The following RBFOX1 variants were observed in gnomAD, a reference collection of about 807,000 sequenced individuals.
The protein encoded by RBFOX1 is RNA binding fox-1 homolog 1, also known as RNA binding protein fox-1 homolog 1.
RBFOX1 carries 8 observed loss-of-function variants against 57.7 expected under a neutral mutation model. The observed-to-expected ratio is 0.14, with a 90% CI of 0.08 to 0.25. The LOEUF (loss-of-function observed/expected upper bound fraction) is 0.25, where lower values mean the gene tolerates loss of function less well. Among genes scored for constraint, RBFOX1 ranks in the 10% least tolerant of loss-of-function variants. The probability of loss-of-function intolerance (pLI) is 1.00; values close to 1 mark genes in which losing one functional copy is unlikely to be tolerated. For synonymous variants in RBFOX1, 326 were observed against 222.4 expected (o/e 1.47, Z -4.15); for missense variants, 611 against 548.5 (o/e 1.11, Z -1.14).
intron 4 of RBFOX1, among the ~76,000 whole-genome samples, chr16:7,402,693 C>A (rs2098265320): frequency 6.6e-6 from 1 of 152,158 alleles, no homozygotes. Context: ...AATTGGACAG[C>A]CACTGGCACC....
intron 2 of RBFOX1, among the ~76,000 whole-genome samples, chr16:5,543,664 A>G (rs1399376470): frequency 6.6e-6 from 1 of 152,198 alleles, no homozygotes; most frequent in Non-Finnish European, 1.5e-5. Context: ...CATGAAAATC[A>G]CAAACCCAGA....
intron 4 of RBFOX1, among the ~76,000 whole-genome samples, chr16:7,111,782 T>C (rs1392596158): frequency 6.6e-6 from 1 of 152,026 alleles, no homozygotes; most frequent in Admixed American, 6.6e-5. Flanking sequence ...TTCAAGGTTC[T>C]GGCCAATCTA....
At chr16:6,796,003 A>C (rs1603625262) in intron 3 of RBFOX1, among the ~76,000 whole-genome samples, 4 of 152,206 alleles carry the variant, frequency 2.6e-5, no homozygotes, top group Non-Finnish European at 5.9e-5. Context: ...TATCATGGTT[A>C]CTGTATTAGT....
At chr16:6,752,797 C>G (rs1392897867) in intron 3 of RBFOX1, among the ~76,000 whole-genome samples, 1 of 141,090 alleles carries the variant, frequency 7.1e-6, no homozygotes, top group Non-Finnish European at 1.5e-5. Flanking sequence ...ATGAAATTGT[C>G]AAACTTTATT....
At position 7,568,671 on chromosome 16, in the gene RBFOX1, G is replaced by A. The variant is rs1449919869; in HGVS notation, c.271-11106G>A. ...GAGGCCGAGGCAGGTGGATCATGAG[G>A]TCAGGAGATCGAGACCATCCTGGCT... On this transcript the variant is annotated intron_variant, in intron 5 of 15. Transcript: ENST00000550418. 3.9e-5 allele frequency among the ~76,000 whole-genome samples: 6 copies of A among 151,914 alleles called. No individual in the cohort carries two copies. The East Asian group carries it at 9.7e-4, about 25-fold the overall frequency.
intron 4 of RBFOX1, among the ~76,000 whole-genome samples, chr16:5,965,502 G>GGCAGAACTAAACA (rs1472521426): frequency 1.3e-5 from 2 of 152,056 alleles, no homozygotes; most frequent in Non-Finnish European, 2.9e-5. Flanking sequence ...CTTCAACTCA[G>GGCAGAACTAAACA]GCAGAACTAA....
intron 2 of RBFOX1, among the ~76,000 whole-genome samples, chr16:6,400,415 C>T (rs2093021526): frequency 6.6e-6 from 1 of 152,086 alleles, no homozygotes; most frequent in Non-Finnish European, 1.5e-5. Context: ...GATGATATCT[C>T]AAGGCTTATG....
At chr16:5,328,717 T>G (rs1414457564) in intron 1 of RBFOX1, among the ~76,000 whole-genome samples, 1 of 152,220 alleles carries the variant, frequency 6.6e-6, no homozygotes, top group East Asian at 1.9e-4. Flanking sequence ...GTGGACCATT[T>G]AAGCCCACCC....
At chr16:6,725,146 G>A (rs1364097046) in intron 3 of RBFOX1, among the ~76,000 whole-genome samples, 1 of 147,972 alleles carries the variant, frequency 6.8e-6, no homozygotes, top group South Asian at 2.2e-4. Flanking sequence ...TGCGTCCCGG[G>A]TTCACGCCAT....
chr16:7,483,164 C>T (rs1423311889), intron 4 of RBFOX1, among the ~76,000 whole-genome samples: 1 of 152,278 alleles, frequency 6.6e-6, no homozygotes, highest in African/African-American at 2.4e-5. Context: ...GATCGCAGAG[C>T]AGTGCAGAAT....
chr16:6,939,587 C>G (rs1442142258), intron 3 of RBFOX1, among the ~76,000 whole-genome samples: 4 of 151,184 alleles, frequency 2.6e-5, no homozygotes, highest in African/African-American at 7.3e-5. Context: ...TTTCAGCTCA[C>G]TGCAACCTCT....
intron 3 of RBFOX1, among the ~76,000 whole-genome samples, chr16:6,854,434 T>C (rs2057415084): frequency 1.3e-5 from 2 of 151,934 alleles, no homozygotes; most frequent in South Asian, 2.1e-4. Flanking sequence ...GGAAGCTAAA[T>C]TGATGGAAAT....
At chr16:7,164,473 G>C (rs1328226352) in intron 4 of RBFOX1, among the ~76,000 whole-genome samples, 1 of 152,158 alleles carries the variant, frequency 6.6e-6, no homozygotes, top group East Asian at 1.9e-4. Context: ...TCCTCTGGGT[G>C]AATAGCCAGT....
At chr16:6,783,690 A>G (rs13329967) in intron 3 of RBFOX1, among the ~76,000 whole-genome samples, 5,686 of 152,128 alleles carry the variant, frequency 0.037, 359 homozygotes, top group African/African-American at 0.13. Flanking sequence ...TACAATTATA[A>G]TATTAGAATA....
chr16:5,812,095 C>A (rs1322415088), intron 3 of RBFOX1, among the ~76,000 whole-genome samples: 3 of 152,184 alleles, frequency 2.0e-5, no homozygotes, highest in Non-Finnish European at 4.4e-5. Context: ...TTCAGGTTCA[C>A]CCACACTGTC....
At chr16:6,450,826 T>C (rs373754554) in intron 2 of RBFOX1, among the ~76,000 whole-genome samples, 5,903 of 32,854 alleles carry the variant, frequency 0.18, 1,257 homozygotes, top group African/African-American at 0.26. Flanking sequence ...TACATATATA[T>C]ATATATATAT....
intron 2 of RBFOX1, among the ~76,000 whole-genome samples, chr16:6,506,201 G>A (rs948929807): frequency 2.0e-5 from 3 of 152,154 alleles, no homozygotes; most frequent in Non-Finnish European, 2.9e-5. Flanking sequence ...AGGTCATGTA[G>A]ATGCCCCAAG....
At chr16:5,992,009 A>G (rs148719573) in intron 4 of RBFOX1, among the ~76,000 whole-genome samples, 3 of 152,202 alleles carry the variant, frequency 2.0e-5, no homozygotes, top group Non-Finnish European at 4.4e-5. Context: ...AAAAATACAG[A>G]GATTTGTAAA....
At chr16:7,655,441 C>T (rs1274756693) in intron 12 of RBFOX1, among the ~76,000 whole-genome samples, 1 of 152,314 alleles carries the variant, frequency 6.6e-6, no homozygotes, top group East Asian at 1.9e-4. Context: ...GCTATAAATT[C>T]TCCCTAATGC....
Sources: allele counts gnomAD v4.1 joint callset (sites outside exome capture counted in the v4.1 genomes callset), GRCh38; gene constraint gnomAD v4.1.1; transcripts MANE v1.5; gene names NCBI Gene and HGNC (gene_info 2026-07-23, HGNC 2026-07-21).